Variants in OTOGL observed in about 807,000 individuals in gnomAD.
OTOGL encodes the protein otogelin like, also known as otogelin-like protein.
OTOGL carries 285 observed loss-of-function variants against 318.5 expected under a neutral mutation model. The observed-to-expected ratio is 0.89, with a 90% CI of 0.81 to 0.99. OTOGL has a LOEUF of 0.99. Among genes scored for constraint, OTOGL ranks in the 50% least tolerant of loss-of-function variants. The probability of loss-of-function intolerance (pLI) is 0.00; values close to 1 mark genes in which losing one functional copy is unlikely to be tolerated. For synonymous variants in OTOGL, 987 were observed against 936.5 expected (o/e 1.05, Z -0.99); for missense variants, 2,899 against 2,845.6 (o/e 1.02, Z -0.43).
chr12:80,247,338 C>G lies in OTOGL; in HGVS notation c.1053-4355C>G, dbSNP rs1344989328. Among the ~76,000 whole-genome samples, 159 of 139,818 alleles carry G rather than the reference C, an allele frequency of 1.1e-3. 10 individuals carry two copies. Among genetic ancestry groups the G allele is most frequent in the African/African-American group, 4.9e-3 (157 of 32,342 alleles). 91.7% of individuals were successfully genotyped at this position (139,818 alleles called of 152,430 possible). A position where few individuals can be genotyped will look rare whatever the true frequency, so the allele number is the denominator to read the frequency against. ...TTCCCTCTACACACTGCTTTGAATGCGTCCCAGAGATTCTGGTATGTTGTG... is the reference window on the plus strand; with the variant it reads ...TTCCCTCTACACACTGCTTTGAATGGGTCCCAGAGATTCTGGTATGTTGTG... On this transcript the variant is annotated intron_variant, in intron 11 of 58. Transcript: ENST00000547103.
At chr12:80,301,407 C>A (rs1321663785) in intron 27 of OTOGL, among the ~76,000 whole-genome samples, 1 of 152,174 alleles carries the variant, frequency 6.6e-6, no homozygotes, top group Non-Finnish European at 1.5e-5. Context: ...TCTAATACTT[C>A]CCTGTTTGAA....
intron 29 of OTOGL, among the ~76,000 whole-genome samples, 160 bp from the exon 30 acceptor site, chr12:80,310,451 T>C (rs1190021564): frequency 6.6e-6 from 1 of 152,238 alleles, no homozygotes; most frequent in East Asian, 1.9e-4. Context: ...ATATATGCAA[T>C]TAACATTGAA....
intron 29 of OTOGL, among the ~76,000 whole-genome samples, chr12:80,307,484 G>T (rs1341894876): frequency 2.0e-5 from 3 of 150,150 alleles, no homozygotes; most frequent in African/African-American, 7.4e-5. Context: ...GCCGGGCAGA[G>T]GGGCTCCTCA....
At chr12:80,167,219 A>C (rs567146061) in intron 1 of OTOGL, among the ~76,000 whole-genome samples, 1 of 152,132 alleles carries the variant, frequency 6.6e-6, no homozygotes, top group Non-Finnish European at 1.5e-5. Context: ...ATGGCGAACA[A>C]TTCAGCCTTA....
intron 1 of OTOGL, among the ~76,000 whole-genome samples, chr12:80,127,506 C>T (rs947175601): frequency 6.6e-6 from 1 of 152,192 alleles, no homozygotes; most frequent in East Asian, 1.9e-4. Flanking sequence ...GTGAATCTGA[C>T]AATTGTGTGT....
chr12:80,195,659 G>A (rs146634831), intron 1 of OTOGL, among the ~76,000 whole-genome samples: 1,538 of 152,278 alleles, frequency 0.01, 25 homozygotes, highest in African/African-American at 0.035. Context: ...GCCCACTCAA[G>A]TTAGATTTTG....
At chr12:80,211,904 GC>G (rs1565901857) in intron 3 of OTOGL, 44 bp from the exon 4 acceptor site, 1 of 1,466,928 alleles carries the variant, frequency 6.8e-7, no homozygotes, top group Admixed American at 2.0e-5. Flanking sequence ...TGTTCAGGTT[GC>G]CTAGGGGCCT....
intron 26 of OTOGL, among the ~76,000 whole-genome samples, chr12:80,294,069 A>C (rs1565960809): frequency 1.3e-5 from 2 of 152,154 alleles, no homozygotes; most frequent in Non-Finnish European, 1.5e-5. Context: ...AAGGGTTTTG[A>C]GGAGCCCAGG....
Position 80,320,411 on chromosome 12 carries a change from A to G in OTOGL, c.3803-11A>G, listed in dbSNP as rs1016326952. ...TTCTCCTGAGAATCCACACTGCTCT[A>G]TATTTTACAGCATTAGCACTTGTTT... On this transcript the variant is annotated splice_polypyrimidine_tract_variant and intron_variant, in intron 33 of 58. Coordinates refer to ENST00000547103, the MANE Select transcript of OTOGL (RefSeq NM_001378609.3). 52 of 1,605,262 alleles carry G rather than the reference A, an allele frequency of 3.2e-5. 1 individual carries two copies. The Admixed American group carries it at 7.8e-4, about 24-fold the overall frequency.
At chr12:80,218,172 C>A in intron 5 of OTOGL, among the ~76,000 whole-genome samples, 1 of 152,164 alleles carries the variant, frequency 6.6e-6, no homozygotes, top group South Asian at 2.1e-4. Flanking sequence ...TATTTAACAT[C>A]TCTTCATCAG....
chr12:80,308,141 G>A (rs1886345220), intron 29 of OTOGL, among the ~76,000 whole-genome samples: 1 of 149,958 alleles, frequency 6.7e-6, no homozygotes, highest in African/African-American at 2.5e-5. Flanking sequence ...GGCCGGGCGG[G>A]GGGCTGACAC....
chr12:80,114,544 G>GT (rs1268464636), intron 1 of OTOGL, among the ~76,000 whole-genome samples: 1 of 151,962 alleles, frequency 6.6e-6, no homozygotes, highest in African/African-American at 2.4e-5. Flanking sequence ...TGCCCTTAAC[G>GT]TTTTTTTCCA....
chr12:80,209,621 G>A, intron 2 of OTOGL, 111 bp downstream of exon 2: 1 of 617,294 alleles, frequency 1.6e-6, no homozygotes, highest in African/African-American at 1.8e-5. Context: ...AGAATGAATT[G>A]TACTAAATGA....
chr12:80,323,630 C>G, intron 34 of OTOGL, 93 bp from the exon 35 acceptor site: 3 of 951,746 alleles, frequency 3.2e-6, no homozygotes, highest in South Asian at 3.2e-5. Flanking sequence ...GCCTGAGTGA[C>G]AGAGCGAGAC....
intron 53 of OTOGL, among the ~76,000 whole-genome samples, 165 bp downstream of exon 53, chr12:80,366,802 G>T (rs896838488): frequency 2.0e-5 from 3 of 151,210 alleles, no homozygotes; most frequent in African/African-American, 7.3e-5. Context: ...TTCTTCTTTT[G>T]TAATATCTCT....
At chr12:80,248,717 G>T (rs1297738328) in intron 11 of OTOGL, among the ~76,000 whole-genome samples, 2 of 145,898 alleles carry the variant, frequency 1.4e-5, no homozygotes, top group African/African-American at 5.2e-5. Flanking sequence ...GGCCTGCCTT[G>T]CTAGATTGGG....
chr12:80,240,863 C>T (rs1163529666), intron 11 of OTOGL, among the ~76,000 whole-genome samples: 1 of 151,976 alleles, frequency 6.6e-6, no homozygotes, highest in African/African-American at 2.4e-5. Flanking sequence ...ATTGTAGAAC[C>T]TACCATAAAT....
chr12:80,334,303 G>T (rs1888261085), intron 38 of OTOGL, among the ~76,000 whole-genome samples: 1 of 152,150 alleles, frequency 6.6e-6, no homozygotes, highest in African/African-American at 2.4e-5. Context: ...GCAACTAAAG[G>T]GCTGGTGTCA....
intron 13 of OTOGL, 58 bp downstream of exon 13, chr12:80,252,259 T>C (rs1881636306): frequency 2.0e-6 from 3 of 1,485,730 alleles, no homozygotes; most frequent in Non-Finnish European, 1.8e-6. Context: ...CCCAGTGATC[T>C]AAGGATCACA....
Sources: allele counts gnomAD v4.1 joint callset (sites outside exome capture counted in the v4.1 genomes callset), GRCh38; gene constraint gnomAD v4.1.1; transcripts MANE v1.5; gene names NCBI Gene and HGNC (gene_info 2026-07-23, HGNC 2026-07-21).